The following USP40 variants were observed in gnomAD, a reference collection of about 807,000 sequenced individuals.
USP40 encodes the protein ubiquitin specific peptidase 40.
A neutral mutation model predicts 166.2 loss-of-function variants in USP40; 143 were observed. That is an observed-to-expected ratio of 0.86 (90% confidence interval 0.75 to 0.99). USP40 has a LOEUF of 0.99. Ranked by LOEUF, USP40 falls within the 50% of genes least tolerant of loss-of-function variation. The pLI is 0.00. For missense variants in USP40, 1,444 were observed against 1,479.7 expected (o/e 0.98, Z 0.40); for synonymous variants, 498 against 524.0 (o/e 0.95, Z 0.68).
rs561470998 is a variant in USP40 at position 233,486,240 on chromosome 2, G to A, written c.3198-263C>T. ...ACGTGGTAGGGAACTTCCTCAGTGC[G>A]GGAGAAAAGGAAAGAGGTGGCGGCC... On this transcript the variant is annotated intron_variant, in intron 28 of 31. Coordinates refer to ENST00000678225, the MANE Select transcript of USP40 (RefSeq NM_001365479.2). This position sits in a 1 kb window ranked among gnomAD's most constrained non-coding sequence, Gnocchi z 4.0. Among the ~76,000 whole-genome samples the A allele has an allele frequency of 3.3e-5, 5 of 152,316 alleles. No homozygotes were observed. The highest frequency in any genetic ancestry group is 3.9e-4 in the East Asian group (2 of 5,184).
At chr2:233,517,781 GGT>G (rs111938537) in intron 18 of USP40, among the ~76,000 whole-genome samples, 41,675 of 141,892 alleles carry the variant, frequency 0.29, 6,082 homozygotes, top group East Asian at 0.41. Context: ...AAGAAACTGT[GGT>G]GTGTGTGTGT....
At chr2:233,522,672 G>A (rs978654661) in intron 16 of USP40, among the ~76,000 whole-genome samples, 11 of 152,114 alleles carry the variant, frequency 7.2e-5, no homozygotes, top group African/African-American at 2.2e-4. Context: ...GGGGTAATTC[G>A]CCACGTAACT....
At chr2:233,555,428 A>G (rs2070985843) in intron 5 of USP40, among the ~76,000 whole-genome samples, 1 of 152,186 alleles carries the variant, frequency 6.6e-6, no homozygotes, top group African/African-American at 2.4e-5. Flanking sequence ...TTGTTAACTC[A>G]TGGTGAAGAT....
intron 11 of USP40, 61 bp downstream of exon 11, chr2:233,533,418 T>TGAA: frequency 1.3e-6 from 2 of 1,497,662 alleles, no homozygotes; most frequent in Non-Finnish European, 1.8e-6. Context: ...TCAAACAGCA[T>TGAA]TCCATGTTTA....
In USP40 at chr2:233,485,936, C is replaced by T; in HGVS notation, c.3239G>A (p.Gly1080Asp). The change falls in exon 29 of 32, where the codon GGT (glycine) becomes GAT (aspartate). Residue 1080 changes from glycine (G) to aspartate (D), a missense_variant. By Grantham distance (94) the Gly-to-Asp change is moderately conservative. Coordinates refer to ENST00000678225, the MANE Select transcript of USP40 (RefSeq NM_001365479.2). ...CAGGGCAGGGGCATAGGTCCTCTCA[C>T]CAGGGATGCGCACCTGTGTCCTCAG... is the stretch of plus-strand genomic sequence containing the variant. ...VLLRTQVRIP[G>D]ERTYAPALDL... The T allele has an allele frequency of 1.3e-6, 2 of 1,596,282 alleles. No individual in the cohort carries two copies. Among genetic ancestry groups the T allele is most frequent in the Non-Finnish European group, 1.7e-6 (2 of 1,172,614 alleles).
intron 14 of USP40, 85 bp downstream of exon 14, chr2:233,525,393 C>T: frequency 1.1e-6 from 1 of 947,544 alleles, no homozygotes. Context: ...TGGGGAAGGA[C>T]TGACAAAGAG....
At chr2:233,503,335 G>T (rs2066206920) in intron 21 of USP40, among the ~76,000 whole-genome samples, 1 of 152,042 alleles carries the variant, frequency 6.6e-6, no homozygotes, top group Non-Finnish European at 1.5e-5. Context: ...GAGAATAAAT[G>T]ACAAAAGACA....
At chr2:233,541,408 C>A (rs1366016027) in intron 9 of USP40, among the ~76,000 whole-genome samples, 1 of 152,198 alleles carries the variant, frequency 6.6e-6, no homozygotes, top group Non-Finnish European at 1.5e-5. Flanking sequence ...GGGAAGCACA[C>A]ACACAGAAGA....
intron 18 of USP40, 175 bp from the exon 19 acceptor site, chr2:233,512,797 A>G (rs2066926621): frequency 3.0e-6 from 1 of 335,214 alleles, no homozygotes; most frequent in Admixed American, 4.9e-5. Flanking sequence ...AACAAACCAA[A>G]AACCCCCCAA....
At chr2:233,529,408 C>G in intron 12 of USP40, 23 bp downstream of exon 12, 1 of 1,544,928 alleles carries the variant, frequency 6.5e-7, no homozygotes, top group Non-Finnish European at 8.8e-7. Flanking sequence ...ACTAGTCAAA[C>G]TCTAAAAGCA....
At chr2:233,489,309 C>A in intron 27 of USP40, 56 bp downstream of exon 27, 1 of 1,472,872 alleles carries the variant, frequency 6.8e-7, no homozygotes, top group South Asian at 1.2e-5. Flanking sequence ...ATCCCTCACA[C>A]CAGCCAGTGC....
chr2:233,507,712 G>C (rs1011612463), intron 21 of USP40, among the ~76,000 whole-genome samples: 24 of 151,780 alleles, frequency 1.6e-4, no homozygotes, highest in Admixed American at 1.5e-3. Flanking sequence ...GGATGGGAGA[G>C]GGTGGTCAAC....
chr2:233,489,574 G>T, intron 26 of USP40, 91 bp from the exon 27 acceptor site: 1 of 996,852 alleles, frequency 1.0e-6, no homozygotes, highest in Non-Finnish European at 1.5e-6. Context: ...GCACTACACA[G>T]TGGCATCTCA....
chr2:233,523,138 T>C (rs559158399), intron 16 of USP40, 32 bp downstream of exon 16: 46 of 1,571,572 alleles, frequency 2.9e-5, no homozygotes, highest in Non-Finnish European at 5.2e-6. Context: ...AAATGACTTT[T>C]AGAAATCCTT....
chr2:233,542,583 C>CGG, intron 8 of USP40: 1 of 382,236 alleles, frequency 2.6e-6, no homozygotes, highest in Non-Finnish European at 4.7e-6. Flanking sequence ...GAGGTTGAGG[C>CGG]GGGAGGACTG....
chr2:233,494,640 G>C (rs1559223554), intron 24 of USP40, among the ~76,000 whole-genome samples: 1 of 151,680 alleles, frequency 6.6e-6, no homozygotes. Context: ...GCTGAGGTGG[G>C]AGGATCGATT....
At chr2:233,518,252 A>T (rs1252342761) in intron 18 of USP40, among the ~76,000 whole-genome samples, 16 of 40,744 alleles carry the variant, frequency 3.9e-4, no homozygotes, top group Admixed American at 1.7e-3. Flanking sequence ...AACAGATTCT[A>T]AAAAAAAAAA....
rs531044136 is a variant in USP40, at chr2:233,476,856, C to T, written c.*536G>A. ...GACCAAAGGGCAGACGTGGAGCATG[C>T]GGGGCCGGAACGAGTGGGGGAAATG... On this transcript the variant is annotated 3_prime_UTR_variant, in exon 32 of 32. Coordinates refer to ENST00000678225, the MANE Select transcript of USP40 (RefSeq NM_001365479.2). 9 of 191,796 alleles carry T rather than the reference C, an allele frequency of 4.7e-5. No individual in the cohort carries two copies. Among genetic ancestry groups the T allele is most frequent in the East Asian group, 1.5e-4 (1 of 6,808 alleles). The allele number at this position is 191,796 out of a possible 1,614,324, so 11.9% of individuals were successfully genotyped here. A position where few individuals can be genotyped will look rare whatever the true frequency, so the allele number is the denominator to read the frequency against.
rs1218444551 is a variant in USP40, at chr2:233,476,953, C to T, written c.*439G>A. ...AGCGCGGTGGCGCAGTGGCCTGAGA[C>T]ACTGTGAGAAGCCGGTCAGGGCGAA... On this transcript the variant is annotated 3_prime_UTR_variant, in exon 32 of 32. Transcript: ENST00000678225. The T allele has an allele frequency of 3.4e-6, 1 of 295,250 alleles. No individual in the cohort carries two copies. The highest frequency in any genetic ancestry group is 2.2e-5 in the African/African-American group (1 of 45,060). The allele number at this position is 295,250 out of a possible 1,614,324, so 18.3% of individuals were successfully genotyped here.
Sources: allele counts gnomAD v4.1 joint callset (sites outside exome capture counted in the v4.1 genomes callset), GRCh38; gene constraint gnomAD v4.1.1; non-coding constraint Gnocchi (gnomAD v3.1); transcripts MANE v1.5; gene names NCBI Gene and HGNC (gene_info 2026-07-23, HGNC 2026-07-21).